Variants in RSPO2 observed in about 807,000 individuals in gnomAD.
The protein encoded by RSPO2 is R-spondin-2.
Under a neutral mutation model 30.9 loss-of-function variants are expected in RSPO2, and 14 were observed. The observed-to-expected ratio is 0.45, with a 90% CI of 0.30 to 0.71. RSPO2 has a LOEUF of 0.71. Ranked by LOEUF, RSPO2 falls within the 30% of genes least tolerant of loss-of-function variation. RSPO2 has a pLI of 0.08. For synonymous variants in RSPO2, 107 were observed against 96.4 expected (o/e 1.11, Z -0.64); for missense variants, 264 against 301.9 (o/e 0.87, Z 0.93).
intron 2 of RSPO2, among the ~76,000 whole-genome samples, chr8:108,029,847 A>G (rs899641394): frequency 1.3e-5 from 2 of 152,166 alleles, no homozygotes; most frequent in Admixed American, 1.3e-4. Flanking sequence ...CATTGCAATA[A>G]TTCTTCCTTC....
chr8:108,058,767 A>T (rs1402365821), intron 2 of RSPO2, among the ~76,000 whole-genome samples: 2 of 151,878 alleles, frequency 1.3e-5, no homozygotes, highest in African/African-American at 4.9e-5. Context: ...CTATTTAATA[A>T]ATGGTGCTGG....
intron 5 of RSPO2, among the ~76,000 whole-genome samples, chr8:107,955,554 T>A (rs1335900108): frequency 6.6e-6 from 1 of 152,134 alleles, no homozygotes; most frequent in Non-Finnish European, 1.5e-5. Flanking sequence ...TATTTCCAGA[T>A]ATTATTTGAT....
chr8:107,950,230 G>A (rs1184204433), intron 5 of RSPO2, among the ~76,000 whole-genome samples: 1 of 152,130 alleles, frequency 6.6e-6, no homozygotes, highest in Admixed American at 6.5e-5. Context: ...TGTTTATTGT[G>A]TATAAACAGA....
At chr8:108,065,665 A>T (rs1330930002) in intron 2 of RSPO2, among the ~76,000 whole-genome samples, 2 of 151,986 alleles carry the variant, frequency 1.3e-5, no homozygotes, top group Non-Finnish European at 2.9e-5. Context: ...GGAATAAAAA[A>T]AAAAAAAAAA....
chr8:107,925,609 G>A (rs966191657), intron 5 of RSPO2, among the ~76,000 whole-genome samples: 2 of 151,084 alleles, frequency 1.3e-5, no homozygotes, highest in African/African-American at 4.9e-5. Flanking sequence ...CTGTGTCCAT[G>A]TGTTCTCATT....
intron 5 of RSPO2, among the ~76,000 whole-genome samples, chr8:107,951,578 G>C (rs888051951): frequency 3.9e-5 from 6 of 152,032 alleles, no homozygotes; most frequent in African/African-American, 1.5e-4. Context: ...GTCTTCAGTG[G>C]CATATGTAGT....
chr8:107,957,771 C>A (rs1198055633), intron 5 of RSPO2, among the ~76,000 whole-genome samples: 2 of 152,160 alleles, frequency 1.3e-5, no homozygotes, highest in East Asian at 1.9e-4. Flanking sequence ...TTCGTAAGAA[C>A]CCGCTTTTAT....
chr8:107,909,336 C>A (rs2130265392), intron 5 of RSPO2, among the ~76,000 whole-genome samples: 1 of 135,284 alleles, frequency 7.4e-6, no homozygotes, highest in East Asian at 2.5e-4. Flanking sequence ...GATCTTGGTT[C>A]ACTGCAACCT....
intron 3 of RSPO2, among the ~76,000 whole-genome samples, chr8:107,973,010 C>A (rs1416246193): frequency 6.6e-6 from 1 of 152,136 alleles, no homozygotes; most frequent in Non-Finnish European, 1.5e-5. Context: ...GTGGCTCACG[C>A]CTGTAATCCC....
chr8:107,942,675 T>C (rs953361040), intron 5 of RSPO2, among the ~76,000 whole-genome samples: 1 of 152,168 alleles, frequency 6.6e-6, no homozygotes, highest in Non-Finnish European at 1.5e-5. Flanking sequence ...TTCTGGTCAA[T>C]AGGAACTACA....
At chr8:107,911,434 A>G (rs942226793) in intron 5 of RSPO2, among the ~76,000 whole-genome samples, 3 of 152,224 alleles carry the variant, frequency 2.0e-5, no homozygotes, top group Non-Finnish European at 4.4e-5. Context: ...CCCTAGATTC[A>G]AAGCAGAGTT....
intron 5 of RSPO2, among the ~76,000 whole-genome samples, chr8:107,935,235 C>T (rs1407142041): frequency 6.6e-6 from 1 of 152,100 alleles, no homozygotes; most frequent in African/African-American, 2.4e-5. Flanking sequence ...CTGTCTTATA[C>T]AGTTGCAGAT....
intron 2 of RSPO2, among the ~76,000 whole-genome samples, chr8:108,079,698 GAA>G (rs745317222): frequency 7.5e-6 from 1 of 133,156 alleles, no homozygotes; most frequent in Non-Finnish European, 1.6e-5. Context: ...ATGGAATATG[GAA>G]AAAAAAAAAA....
At chr8:107,933,613 T>C (rs73315492) in intron 5 of RSPO2, among the ~76,000 whole-genome samples, 304 of 152,316 alleles carry the variant, frequency 2.0e-3, no homozygotes, top group African/African-American at 6.4e-3. Flanking sequence ...TAAAATTCTT[T>C]TTCTTAAAGC....
chr8:108,081,312 G>C (rs1339268213), intron 2 of RSPO2, among the ~76,000 whole-genome samples: 1 of 152,170 alleles, frequency 6.6e-6, no homozygotes, highest in Non-Finnish European at 1.5e-5. Flanking sequence ...GGTTCGGAAA[G>C]TCCTCCTCAA....
intron 2 of RSPO2, among the ~76,000 whole-genome samples, chr8:108,034,456 T>C (rs1811527634): frequency 6.6e-6 from 1 of 152,184 alleles, no homozygotes; most frequent in Non-Finnish European, 1.5e-5. Flanking sequence ...AAGAAGGAAG[T>C]ATGTTAGGAT....
Position 107,986,826 on chromosome 8 carries a change from G to A in RSPO2, c.283+2230C>T, listed in dbSNP as rs538948960. 2.0e-5 allele frequency among the ~76,000 whole-genome samples: 3 copies of A among 152,190 alleles called. 1 individual carries two copies. The highest frequency in any genetic ancestry group is 1.3e-4 in the Admixed American group (2 of 15,266). ...ACTGTGGACTCAAACCACCACCCCC[G>A]CCATAGGTAGTCTAAAGAAATCTGA... is the stretch of plus-strand genomic sequence containing the variant. On this transcript the variant is annotated intron_variant, in intron 3 of 5. Transcript: ENST00000276659.
intron 3 of RSPO2, among the ~76,000 whole-genome samples, chr8:107,971,891 G>A (rs1814011556): frequency 6.6e-6 from 1 of 152,102 alleles, no homozygotes; most frequent in Non-Finnish European, 1.5e-5. Flanking sequence ...CCTTAGTCAT[G>A]CTCAGTTATA....
At chr8:108,043,842 T>C (rs1811830075) in intron 2 of RSPO2, among the ~76,000 whole-genome samples, 1 of 151,920 alleles carries the variant, frequency 6.6e-6, no homozygotes, top group African/African-American at 2.4e-5. Context: ...AATGAAAGAG[T>C]TACTTGTGCA....
Sources: gnomAD v4.1 joint callset for allele counts (sites outside exome capture counted in the v4.1 genomes callset) on GRCh38, gnomAD v4.1.1 for gene constraint, MANE v1.5 for transcripts, NCBI Gene and HGNC (gene_info 2026-07-23, HGNC 2026-07-21) for gene names.